The following MMP26 variants were observed in gnomAD, a reference collection of about 807,000 sequenced individuals.
MMP26 encodes matrix metallopeptidase 26, also known as matrix metalloproteinase-26.
In MMP26, 33 loss-of-function variants were observed where a neutral mutation model predicts 31.0. The ratio of observed to expected loss-of-function variants is 1.06; its 90% CI spans 0.81 to 1.42. MMP26 has a LOEUF of 1.42. Among genes scored for constraint, MMP26 ranks in the 40% most tolerant of loss-of-function variants. MMP26 has a pLI of 0.00. For missense variants in MMP26, 347 were observed against 316.1 expected (o/e 1.10, Z -0.74); for synonymous variants, 122 against 114.9 (o/e 1.06, Z -0.40).
intron 1 of MMP26, among the ~76,000 whole-genome samples, chr11:4,708,152 G>A (rs1430718149): frequency 6.6e-6 from 1 of 152,186 alleles, no homozygotes; most frequent in Admixed American, 6.5e-5. Context: ...ATTCTCGTAT[G>A]TAAAGTCACA....
intron 2 of MMP26, among the ~76,000 whole-genome samples, chr11:4,938,940 A>G (rs1418859858): frequency 9.9e-5 from 15 of 152,156 alleles, no homozygotes; most frequent in Admixed American, 6.6e-5. Context: ...CAACAAATAC[A>G]TCCTAATTTC....
chr11:4,872,319 A>G (rs1223750128), intron 2 of MMP26, among the ~76,000 whole-genome samples: 1 of 152,058 alleles, frequency 6.6e-6, no homozygotes, highest in Non-Finnish European at 1.5e-5. Flanking sequence ...AAAACCAATA[A>G]AGAGTCTAGA....
intron 2 of MMP26, chr11:4,937,265 C>T (rs1332558555): frequency 6.6e-6 from 1 of 152,150 alleles, no homozygotes; most frequent in African/African-American, 2.4e-5. Flanking sequence ...TACAAGACCA[C>T]TCTAGTAAAG....
chr11:4,923,440 T>G, intron 2 of MMP26: 1 of 1,600,704 alleles, frequency 6.2e-7, no homozygotes. Context: ...GCTGGCGAAT[T>G]TGCTTGGTCT....
At chr11:4,960,186 T>G (rs1166728099) in intron 2 of MMP26, among the ~76,000 whole-genome samples, 2 of 152,156 alleles carry the variant, frequency 1.3e-5, no homozygotes, top group Admixed American at 6.5e-5. Flanking sequence ...GAAAGAAAAT[T>G]CTAGGTGCAA....
At chr11:4,782,880 T>C (rs1291505492) in intron 2 of MMP26, among the ~76,000 whole-genome samples, 1 of 152,234 alleles carries the variant, frequency 6.6e-6, no homozygotes, top group East Asian at 1.9e-4. Flanking sequence ...TTTCATGTGA[T>C]GCTGAGCTTG....
intron 2 of MMP26, among the ~76,000 whole-genome samples, chr11:4,978,949 G>A (rs993902649): frequency 2.6e-5 from 4 of 152,106 alleles, no homozygotes; most frequent in Non-Finnish European, 4.4e-5. Context: ...AGCAAGATAT[G>A]ACAAAGTAAG....
At chr11:4,902,405 A>G (rs575499893) in intron 2 of MMP26, among the ~76,000 whole-genome samples, 8 of 152,150 alleles carry the variant, frequency 5.3e-5, no homozygotes, top group Non-Finnish European at 1.2e-4. Context: ...TTTGCTCAGG[A>G]TAATGGCTTC....
intron 1 of MMP26, chr11:4,723,368 G>A (rs373460220): frequency 9.4e-6 from 9 of 956,312 alleles, no homozygotes; most frequent in East Asian, 7.2e-5. Context: ...GCCCGGCTGC[G>A]GTTGGAGATC....
intron 2 of MMP26, chr11:4,915,426 G>C: frequency 1.2e-6 from 2 of 1,614,066 alleles, no homozygotes; most frequent in Non-Finnish European, 1.7e-6. Flanking sequence ...AGAGTGCAAA[G>C]GGAGAGACCC....
At chr11:4,818,492 A>G (rs190863309) in intron 2 of MMP26, among the ~76,000 whole-genome samples, 1 of 152,102 alleles carries the variant, frequency 6.6e-6, no homozygotes, top group Admixed American at 6.5e-5. Context: ...GTCTTTGAAA[A>G]AAAGATTCAT....
intron 1 of MMP26, among the ~76,000 whole-genome samples, chr11:4,707,482 G>T (rs1473513438): frequency 1.3e-5 from 2 of 152,122 alleles, no homozygotes; most frequent in African/African-American, 4.8e-5. Flanking sequence ...ATAATAAAAA[G>T]AACATTAAAT....
chr11:4,868,526 T>A (rs776564966), intron 2 of MMP26, among the ~76,000 whole-genome samples: 1 of 152,204 alleles, frequency 6.6e-6, no homozygotes, highest in East Asian at 1.9e-4. Flanking sequence ...GTGAAAGACC[T>A]CTTCAAGAGA....
chr11:4,805,314 C>T (rs1432213369), intron 2 of MMP26, among the ~76,000 whole-genome samples: 1 of 152,170 alleles, frequency 6.6e-6, no homozygotes, highest in Non-Finnish European at 1.5e-5. Flanking sequence ...GTGTAGGTTT[C>T]TCCTAGACAA....
chr11:4,761,959 G>T (rs1207021690), intron 1 of MMP26, among the ~76,000 whole-genome samples: 2 of 152,104 alleles, frequency 1.3e-5, no homozygotes, highest in East Asian at 3.9e-4. Flanking sequence ...GTTTTAGCAG[G>T]TTGGGAACTC....
At chr11:4,843,831 C>A (rs1038980415) in intron 2 of MMP26, among the ~76,000 whole-genome samples, 5 of 152,282 alleles carry the variant, frequency 3.3e-5, no homozygotes, top group African/African-American at 1.2e-4. Context: ...GTTCTGCTTC[C>A]CTTTTAAATA....
rs149983370 is a variant in MMP26 at position 4,915,563 on chromosome 11, A to G, written c.-144-72505A>G. The G allele has an allele frequency of 9.4e-5, 152 of 1,614,042 alleles. No homozygotes were observed. In the African/African-American group the frequency reaches 1.8e-3, roughly 19 times the overall value. ...AACCAGATACATGAAGCACAGTGGGATGGAGATCCAGATGTGCATGCGCTC... is the reference window on the plus strand; with the variant it reads ...AACCAGATACATGAAGCACAGTGGGGTGGAGATCCAGATGTGCATGCGCTC... On this transcript the variant is annotated intron_variant, in intron 2 of 7. Coordinates refer to ENST00000380390, the MANE Select transcript of MMP26 (RefSeq NM_021801.5).
In MMP26 at chr11:4,946,772, G is replaced by T. The variant is rs1846316666; in HGVS notation, c.-144-41296G>T. 1.9e-6 allele frequency: 3 copies of T among 1,587,456 alleles called. 1 individual carries two copies. The highest frequency in any genetic ancestry group is 1.7e-5 in the Admixed American group (1 of 59,240). On this transcript the variant is annotated intron_variant, in intron 2 of 7. Coordinates refer to ENST00000380390, the MANE Select transcript of MMP26 (RefSeq NM_021801.5). Reference sequence around the variant, plus strand: ...CAGGAGGACTGAGGACTCCAGTACTGAGAATCCATGAATGAAGAATTCCTG... The same window carrying T: ...CAGGAGGACTGAGGACTCCAGTACTTAGAATCCATGAATGAAGAATTCCTG...
intron 2 of MMP26, among the ~76,000 whole-genome samples, chr11:4,977,502 CAAG>C (rs1846754103): frequency 6.6e-6 from 1 of 151,982 alleles, no homozygotes; most frequent in African/African-American, 2.4e-5. Context: ...AAGAAATTCT[CAAG>C]AAGGACTCAA....
Sources: gnomAD v4.1 joint callset for allele counts (sites outside exome capture counted in the v4.1 genomes callset) on GRCh38, gnomAD v4.1.1 for gene constraint, MANE v1.5 for transcripts, NCBI Gene and HGNC (gene_info 2026-07-23, HGNC 2026-07-21) for gene names.